GSK3B: variants seen among roughly 807,000 people sequenced by gnomAD.
GSK3B encodes the protein glycogen synthase kinase 3 beta.
In GSK3B, 15 loss-of-function variants were observed where a neutral mutation model predicts 56.4. The ratio of observed to expected loss-of-function variants is 0.27; its 90% CI spans 0.18 to 0.41. The LOEUF is 0.41. Among genes scored for constraint, GSK3B ranks in the 10% least tolerant of loss-of-function variants. GSK3B has a pLI of 1.00. For missense variants in GSK3B, 300 were observed against 513.4 expected (o/e 0.58, Z 4.02); for synonymous variants, 181 against 188.9 (o/e 0.96, Z 0.34).
At chr3:119,842,876 T>C (rs993852304) in intron 10 of GSK3B, among the ~76,000 whole-genome samples, 1 of 152,242 alleles carries the variant, frequency 6.6e-6, no homozygotes, top group Non-Finnish European at 1.5e-5. Context: ...ATGTTCATAC[T>C]CATCAAATGA....
At chr3:120,056,362 A>G (rs1304929852) in intron 1 of GSK3B, among the ~76,000 whole-genome samples, 1 of 152,178 alleles carries the variant, frequency 6.6e-6, no homozygotes, top group Non-Finnish European at 1.5e-5. Context: ...TTTTTGAGAC[A>G]CAGTCTCGAT....
intron 1 of GSK3B, among the ~76,000 whole-genome samples, chr3:120,030,865 T>C (rs982101613): frequency 2.0e-5 from 3 of 152,320 alleles, no homozygotes; most frequent in Non-Finnish European, 2.9e-5. Context: ...ATCTTCTGTA[T>C]GAATCAAAAA....
intron 10 of GSK3B, among the ~76,000 whole-genome samples, chr3:119,837,326 T>C (rs981023359): frequency 3.3e-5 from 5 of 151,368 alleles, no homozygotes; most frequent in African/African-American, 1.2e-4. Flanking sequence ...GGCTAATTTT[T>C]TTTTTTTTTT....
At chr3:119,859,169 TTTTA>T (rs2056064780) in intron 9 of GSK3B, among the ~76,000 whole-genome samples, 2 of 124,286 alleles carry the variant, frequency 1.6e-5, no homozygotes, top group Non-Finnish European at 3.6e-5. Context: ...GACACGAACG[TTTTA>T]TTTGTGTATA....
intron 10 of GSK3B, among the ~76,000 whole-genome samples, chr3:119,835,192 T>C (rs1166147521): frequency 6.6e-6 from 1 of 152,208 alleles, no homozygotes; most frequent in African/African-American, 2.4e-5. Flanking sequence ...TCCCACTCTA[T>C]GAGGACATGG....
intron 1 of GSK3B, among the ~76,000 whole-genome samples, chr3:120,038,670 T>C (rs940879238): frequency 6.6e-6 from 1 of 151,850 alleles, no homozygotes; most frequent in African/African-American, 2.4e-5. Context: ...GCACAAAAAT[T>C]CACAAAAATT....
At position 119,863,605 on chromosome 3, in the gene GSK3B, CCTGCAGT is replaced by C. The variant is rs1553725715; in HGVS notation, c.910-7_910-1del. On this transcript the variant is annotated splice_acceptor_variant and splice_polypyrimidine_tract_variant and intron_variant, in intron 8 of 10. Coordinates refer to ENST00000264235, the MANE Select transcript of GSK3B (RefSeq NM_001146156.2). LOFTEE classifies it high-confidence loss of function. ...TCCGGTGGAGTTCGGGGTCGGAAGA[CCTGCAGT>C]ACAAAAAAAGGGAAAGAACAATTAA... is the stretch of plus-strand genomic sequence containing the variant. The C allele has an allele frequency of 6.3e-7, 1 of 1,591,076 alleles. No homozygotes were observed. Among genetic ancestry groups the C allele is most frequent in the Admixed American group, 1.7e-5 (1 of 59,256 alleles).
intron 10 of GSK3B, among the ~76,000 whole-genome samples, chr3:119,835,078 G>A (rs1358889154): frequency 6.6e-6 from 1 of 152,160 alleles, no homozygotes; most frequent in Non-Finnish European, 1.5e-5. Context: ...AGGAGGAAAT[G>A]GATGCAACAC....
intron 7 of GSK3B, among the ~76,000 whole-genome samples, chr3:119,898,365 G>A (rs1280581106): frequency 2.0e-5 from 3 of 152,072 alleles, no homozygotes; most frequent in Non-Finnish European, 4.4e-5. Context: ...AGGAATTGTG[G>A]GGACCATGTG....
At chr3:120,074,016 A>C (rs966173257) in intron 1 of GSK3B, among the ~76,000 whole-genome samples, 4 of 152,240 alleles carry the variant, frequency 2.6e-5, no homozygotes, top group African/African-American at 7.2e-5. Flanking sequence ...CAGAAATAAA[A>C]ACAGTTGGCC....
At chr3:119,940,573 G>A (rs1168828015) in intron 3 of GSK3B, among the ~76,000 whole-genome samples, 4 of 152,100 alleles carry the variant, frequency 2.6e-5, no homozygotes, top group Non-Finnish European at 4.4e-5. Flanking sequence ...ATGGAATCCA[G>A]AGCTAGACTG....
At chr3:119,953,481 T>C (rs1208984743) in intron 2 of GSK3B, among the ~76,000 whole-genome samples, 2 of 152,062 alleles carry the variant, frequency 1.3e-5, no homozygotes, top group African/African-American at 4.8e-5. Context: ...AGTAAAAGGA[T>C]GAAAAATGAT....
At chr3:119,903,380 C>T (rs1002509112) in intron 7 of GSK3B, among the ~76,000 whole-genome samples, 5 of 152,144 alleles carry the variant, frequency 3.3e-5, no homozygotes, top group African/African-American at 1.2e-4. Context: ...GTGATAAGTA[C>T]ATTTCTTAAG....
At chr3:120,074,311 A>C (rs1045475356) in intron 1 of GSK3B, among the ~76,000 whole-genome samples, 6 of 151,396 alleles carry the variant, frequency 4.0e-5, no homozygotes, top group Non-Finnish European at 7.4e-5. Context: ...AAAAAAAAAA[A>C]GAAAGAAAGA....
At chr3:119,869,238 A>AAAC (rs57844036) in intron 8 of GSK3B, among the ~76,000 whole-genome samples, 24 of 150,118 alleles carry the variant, frequency 1.6e-4, no homozygotes, top group African/African-American at 5.2e-4. Context: ...AAAAAAAAAA[A>AAAC]AAAAAAAACA....
At chr3:120,063,324 CA>C (rs1472420824) in intron 1 of GSK3B, among the ~76,000 whole-genome samples, 4 of 152,092 alleles carry the variant, frequency 2.6e-5, no homozygotes, top group Admixed American at 1.3e-4. Context: ...AAAATGAAAA[CA>C]AAATATTTTA....
At chr3:120,087,699 G>C (rs2058476660) in intron 1 of GSK3B, among the ~76,000 whole-genome samples, 1 of 152,062 alleles carries the variant, frequency 6.6e-6, no homozygotes. Flanking sequence ...CTAGTTTCAA[G>C]ACAAATACAT....
intron 2 of GSK3B, among the ~76,000 whole-genome samples, chr3:119,954,244 GAATAGA>G: frequency 8.5e-6 from 1 of 118,046 alleles, no homozygotes; most frequent in South Asian, 3.0e-4. Flanking sequence ...GAATAGAATA[GAATAGA>G]ATAGAATAGA....
At chr3:120,031,024 T>C (rs896927695) in intron 1 of GSK3B, among the ~76,000 whole-genome samples, 4 of 152,228 alleles carry the variant, frequency 2.6e-5, no homozygotes, top group South Asian at 2.1e-4. Context: ...AACTCATCTA[T>C]TATTGTCTCA....
Sources: allele counts gnomAD v4.1 joint callset (sites outside exome capture counted in the v4.1 genomes callset), GRCh38; gene constraint gnomAD v4.1.1; transcripts MANE v1.5; gene names NCBI Gene and HGNC (gene_info 2026-07-23, HGNC 2026-07-21).